The following NEBL variants were observed in gnomAD, a reference collection of about 807,000 sequenced individuals.
The protein encoded by NEBL is nebulette, also known as LIM and SH3 protein 2.
Under a neutral mutation model 140.2 loss-of-function variants are expected in NEBL, and 122 were observed. The observed-to-expected ratio is 0.87, with a 90% CI of 0.75 to 1.01. The LOEUF (loss-of-function observed/expected upper bound fraction) is 1.01. Among genes scored for constraint, NEBL ranks in the 50% least tolerant of loss-of-function variants. The pLI, the probability that NEBL is intolerant of heterozygous loss-of-function variation, is 0.00. For synonymous variants in NEBL, 436 were observed against 398.9 expected (o/e 1.09, Z -1.11); for missense variants, 1,365 against 1,231.3 (o/e 1.11, Z -1.62).
At chr10:20,845,690 A>G (rs1023179912) in intron 11 of NEBL, among the ~76,000 whole-genome samples, 1 of 152,096 alleles carries the variant, frequency 6.6e-6, no homozygotes, top group Non-Finnish European at 1.5e-5. Flanking sequence ...GGATCCCCCA[A>G]TTGGTTTACT....
intron 2 of NEBL, chr10:21,146,360 T>C (rs775387354): frequency 6.2e-7 from 1 of 1,613,168 alleles, no homozygotes; most frequent in Non-Finnish European, 8.5e-7. Flanking sequence ...GTCTGGAATG[T>C]ACATTTCAGC....
chr10:21,179,191 T>A (rs1841348369), upstream of NEBL, among the ~76,000 whole-genome samples: 1 of 152,170 alleles, frequency 6.6e-6, no homozygotes, highest in South Asian at 2.1e-4. Flanking sequence ...GCAGCCTTAA[T>A]CACAGGGTCA....
chr10:21,202,731 G>A (rs1467311204), intron 3 of NEBL, among the ~76,000 whole-genome samples: 1 of 151,986 alleles, frequency 6.6e-6, no homozygotes, highest in East Asian at 1.9e-4. Context: ...AAAGTGCTGG[G>A]ATTACAGGCG....
chr10:21,209,138 A>G (rs911858082), intron 3 of NEBL, among the ~76,000 whole-genome samples: 1 of 152,142 alleles, frequency 6.6e-6, no homozygotes, highest in Non-Finnish European at 1.5e-5. Flanking sequence ...CCCAAATTCC[A>G]GGCAGGGGAA....
chr10:21,129,512 T>C (rs1476649477), intron 2 of NEBL, among the ~76,000 whole-genome samples: 1 of 151,968 alleles, frequency 6.6e-6, no homozygotes, highest in African/African-American at 2.4e-5. Flanking sequence ...CATATGTATA[T>C]ATGTGTATAT....
chr10:21,285,832 A>G (rs138021723), intron 1 of NEBL, among the ~76,000 whole-genome samples: 2 of 152,298 alleles, frequency 1.3e-5, no homozygotes, highest in Non-Finnish European at 2.9e-5. Context: ...GAATCATCCC[A>G]TTTAGGGGCC....
At chr10:21,291,768 A>G (rs764729386) in intron 1 of NEBL, among the ~76,000 whole-genome samples, 5 of 151,822 alleles carry the variant, frequency 3.3e-5, no homozygotes, top group Non-Finnish European at 7.4e-5. Flanking sequence ...CAAAAAAATT[A>G]GCCAGGCGTG....
At chr10:21,194,920 AGATCAAGG>A (rs1351871134) in intron 3 of NEBL, among the ~76,000 whole-genome samples, 3 of 151,866 alleles carry the variant, frequency 2.0e-5, no homozygotes, top group Admixed American at 1.3e-4. Flanking sequence ...CTAATGATGT[AGATCAAGG>A]GAAAAATGGG....
At chr10:21,025,733 T>A (rs1012525154) in intron 2 of NEBL, among the ~76,000 whole-genome samples, 12 of 152,122 alleles carry the variant, frequency 7.9e-5, no homozygotes, top group Non-Finnish European at 1.3e-4. Flanking sequence ...TTGTCTACCT[T>A]CCATCTGTGT....
intron 3 of NEBL, among the ~76,000 whole-genome samples, chr10:21,016,524 T>C (rs574386766): frequency 3.3e-5 from 5 of 152,328 alleles, no homozygotes; most frequent in South Asian, 4.1e-4. Context: ...CTAGATTGAA[T>C]TGGAAAATAT....
At chr10:20,847,322 A>T (rs138427051) in intron 11 of NEBL, among the ~76,000 whole-genome samples, 1 of 152,196 alleles carries the variant, frequency 6.6e-6, no homozygotes, top group Non-Finnish European at 1.5e-5. Flanking sequence ...CTAATAGTCA[A>T]TGACTATAAT....
intron 3 of NEBL, among the ~76,000 whole-genome samples, chr10:20,969,130 C>T (rs560563238): frequency 9.2e-5 from 14 of 151,860 alleles, no homozygotes; most frequent in South Asian, 2.1e-4. Flanking sequence ...CAATGTTAGA[C>T]GGGAATTAAA....
chr10:21,008,108 C>A (rs553380122), intron 3 of NEBL, among the ~76,000 whole-genome samples: 1 of 152,140 alleles, frequency 6.6e-6, no homozygotes, highest in Non-Finnish European at 1.5e-5. Flanking sequence ...TCCAAGTTAA[C>A]TTTGTTATAT....
chr10:20,961,785 A>C, intron 3 of NEBL: 1 of 1,604,662 alleles, frequency 6.2e-7, no homozygotes, highest in South Asian at 1.1e-5. Context: ...TTGACCTAAC[A>C]AGAAGGGGGA....
chr10:20,885,468 C>CTATTTCAGTATAGGATATTTCAGTA (rs1442060247), intron 4 of NEBL, among the ~76,000 whole-genome samples: 2 of 152,194 alleles, frequency 1.3e-5, no homozygotes, highest in Admixed American at 6.5e-5. Flanking sequence ...CCAGTGGTGT[C>CTATTTCAGTATAGGATATTTCAGTA]TATTTCAGTA....
intron 3 of NEBL, among the ~76,000 whole-genome samples, chr10:21,222,567 CT>C (rs1350070511): frequency 6.6e-6 from 1 of 152,126 alleles, no homozygotes; most frequent in African/African-American, 2.4e-5. Context: ...TGCCAAGTCA[CT>C]ACTATTTTCT....
chr10:21,225,062 G>T (rs941602207), intron 3 of NEBL, among the ~76,000 whole-genome samples: 1 of 152,002 alleles, frequency 6.6e-6, no homozygotes, highest in Admixed American at 6.6e-5. Context: ...GTAAAAATGG[G>T]AATCCTTGTC....
chr10:21,245,705 G>A (rs895983284), intron 3 of NEBL, among the ~76,000 whole-genome samples: 2 of 151,946 alleles, frequency 1.3e-5, no homozygotes, highest in African/African-American at 4.8e-5. Context: ...CTAATTTTTT[G>A]TATTAGCTGG....
chr10:20,933,374 C>A (rs1034253170), intron 4 of NEBL, among the ~76,000 whole-genome samples: 2 of 152,124 alleles, frequency 1.3e-5, no homozygotes, highest in Non-Finnish European at 2.9e-5. Flanking sequence ...AAAACTTACC[C>A]GTACACTACT....
Sources: gnomAD v4.1 joint callset for allele counts (sites outside exome capture counted in the v4.1 genomes callset) on GRCh38, gnomAD v4.1.1 for gene constraint, MANE v1.5 for transcripts, NCBI Gene and HGNC (gene_info 2026-07-23, HGNC 2026-07-21) for gene names.